KLF12: variants seen among roughly 807,000 people sequenced by gnomAD.
KLF12 encodes the protein Krueppel-like factor 12.
In KLF12, 9 loss-of-function variants were observed where a neutral mutation model predicts 37.8. The observed-to-expected ratio is 0.24, with a 90% CI of 0.14 to 0.42. KLF12 has a LOEUF of 0.42. Among genes scored for constraint, KLF12 ranks in the 10% least tolerant of loss-of-function variants. The pLI, the probability that KLF12 is intolerant of heterozygous loss-of-function variation, is 1.00. For synonymous variants in KLF12, 208 were observed against 202.1 expected, an observed-to-expected ratio of 1.03 and a Z score of -0.25; for missense variants, 411 against 516.0, an observed-to-expected ratio of 0.80 and a Z score of 1.97.
chr13:74,196,171 C>T, the KLF12 span, among the ~76,000 whole-genome samples: 1 of 152,130 alleles, frequency 6.6e-6, no homozygotes, highest in African/African-American at 2.4e-5. Flanking sequence ...GCATGCATTG[C>T]AAGACAGCAT....
At chr13:74,239,929 T>G in the KLF12 span, among the ~76,000 whole-genome samples, 1 of 151,208 alleles carries the variant, frequency 6.6e-6, no homozygotes, top group Admixed American at 6.6e-5. Flanking sequence ...AATTGGAGCA[T>G]TTAGTCCATT....
chr13:73,861,156 T>C (rs1426058488), intron 3 of KLF12, among the ~76,000 whole-genome samples: 1 of 152,238 alleles, frequency 6.6e-6, no homozygotes, highest in South Asian at 2.1e-4. Context: ...GTTAGGATTC[T>C]GCATTTTTTT....
At chr13:73,855,273 T>C (rs900469054) in intron 3 of KLF12, among the ~76,000 whole-genome samples, 6 of 152,190 alleles carry the variant, frequency 3.9e-5, no homozygotes, top group Non-Finnish European at 8.8e-5. Context: ...CCAGAGTCTA[T>C]AGTTGCCATC....
chr13:73,720,490 C>T (rs1218173722), intron 6 of KLF12, among the ~76,000 whole-genome samples: 6 of 152,146 alleles, frequency 3.9e-5, no homozygotes, highest in East Asian at 1.9e-4. Context: ...TCCCAAATCC[C>T]GTACTAAATA....
rs779289653 is a variant in KLF12, at chr13:73,846,331, G to A, written c.166C>T (p.Leu56=). The stretch of plus-strand genomic sequence containing the variant: ...TCCCCTTTCACATTATTTAGCAACA[G>A]GGGAACGGCTTCCATATCGGGATAG... Residue 56 remains leucine (L), a synonymous_variant, in exon 4 of 8, where the codon CTG becomes TTG. Transcript: ENST00000377669. 2 of 1,613,848 alleles carry A rather than the reference G, an allele frequency of 1.2e-6. No homozygotes were observed. The highest frequency in any genetic ancestry group is 3.3e-5 in the Admixed American group (2 of 60,022).
intron 5 of KLF12, among the ~76,000 whole-genome samples, chr13:73,774,644 G>A (rs1298891684): frequency 1.3e-5 from 2 of 151,938 alleles, no homozygotes; most frequent in Non-Finnish European, 2.9e-5. Context: ...AGAAAAATTG[G>A]GTGAAAGGTA....
At chr13:73,881,753 A>C (rs1049362633) in intron 3 of KLF12, among the ~76,000 whole-genome samples, 39 of 152,288 alleles carry the variant, frequency 2.6e-4, no homozygotes, top group African/African-American at 7.9e-4. Flanking sequence ...CAAACTTAAA[A>C]CAATTCTCCA....
At chr13:74,094,382 A>G (rs1875854761) in intron 1 of KLF12, among the ~76,000 whole-genome samples, 1 of 150,492 alleles carries the variant, frequency 6.6e-6, no homozygotes, top group Non-Finnish European at 1.5e-5. Context: ...CCATGGTATA[A>G]TGGACTTCCA....
upstream of KLF12, among the ~76,000 whole-genome samples, chr13:74,135,571 G>A (rs985680973): frequency 3.3e-5 from 5 of 151,414 alleles, no homozygotes; most frequent in East Asian, 5.9e-4. Context: ...GCGGGGGCGG[G>A]GAGCAGACGG....
chr13:74,109,973 GA>G (rs993931018), intron 1 of KLF12, among the ~76,000 whole-genome samples: 1 of 152,060 alleles, frequency 6.6e-6, no homozygotes, highest in East Asian at 1.9e-4. Flanking sequence ...GACTTTTGGG[GA>G]AAAAAACAGG....
intron 5 of KLF12, among the ~76,000 whole-genome samples, chr13:73,810,982 C>CCTTTTTTTTTT (rs1555308732): frequency 4.5e-5 from 2 of 44,806 alleles, no homozygotes; most frequent in Non-Finnish European, 4.0e-5. Flanking sequence ...ATTTTTCTTT[C>CCTTTTTTTTTT]TTTTTTTTTT....
At chr13:73,880,968 T>A (rs1325836585) in intron 3 of KLF12, among the ~76,000 whole-genome samples, 1 of 152,228 alleles carries the variant, frequency 6.6e-6, no homozygotes, top group Non-Finnish European at 1.5e-5. Context: ...TTTAAGTAAG[T>A]CTGATATCTG....
the KLF12 span, among the ~76,000 whole-genome samples, chr13:74,245,803 T>C: frequency 6.6e-6 from 1 of 152,296 alleles, no homozygotes; most frequent in Admixed American, 6.5e-5. Flanking sequence ...ACTTACCTCT[T>C]GTAAATAAGA....
intron 5 of KLF12, among the ~76,000 whole-genome samples, chr13:73,785,796 TATA>T (rs1881303086): frequency 6.6e-6 from 1 of 152,170 alleles, no homozygotes; most frequent in Admixed American, 6.5e-5. Flanking sequence ...GCATCTCGTG[TATA>T]GCACACTATT....
chr13:74,229,947 T>A, the KLF12 span, among the ~76,000 whole-genome samples: 2 of 152,178 alleles, frequency 1.3e-5, no homozygotes, highest in African/African-American at 4.8e-5. Flanking sequence ...GAGATTCAAA[T>A]CCTAATGCTG....
chr13:74,102,218 A>G (rs889067653), intron 1 of KLF12, among the ~76,000 whole-genome samples: 6 of 146,910 alleles, frequency 4.1e-5, no homozygotes, highest in African/African-American at 1.5e-4. Flanking sequence ...ACTCCATCTC[A>G]AAAAAAAGAA....
chr13:74,079,178 A>T (rs1266205553), intron 1 of KLF12, among the ~76,000 whole-genome samples: 1 of 150,832 alleles, frequency 6.6e-6, no homozygotes. Context: ...AGGTACCTAA[A>T]GCAGTCAAAT....
intron 3 of KLF12, among the ~76,000 whole-genome samples, chr13:73,854,738 A>G (rs1885518435): frequency 6.6e-6 from 1 of 152,174 alleles, no homozygotes; most frequent in Non-Finnish European, 1.5e-5. Context: ...TATACTTTAA[A>G]TTATCTCCAC....
chr13:74,159,123 A>G, the KLF12 span, among the ~76,000 whole-genome samples: 1,821 of 152,262 alleles, frequency 0.012, 39 homozygotes, highest in African/African-American at 0.042. Flanking sequence ...ATCCTGAATC[A>G]TAGACTTTTG....
Sources: gnomAD v4.1 joint callset for allele counts (sites outside exome capture counted in the v4.1 genomes callset) on GRCh38, gnomAD v4.1.1 for gene constraint, MANE v1.5 for transcripts, NCBI Gene and HGNC (gene_info 2026-07-23, HGNC 2026-07-21) for gene names.